The following MAST3 variants were observed in gnomAD, a reference collection of about 807,000 sequenced individuals.
MAST3 encodes microtubule associated serine/threonine kinase 3.
Under a neutral mutation model 127.0 loss-of-function variants are expected in MAST3, and 43 were observed. The observed-to-expected ratio is 0.34, with a 90% CI of 0.27 to 0.44. The LOEUF (loss-of-function observed/expected upper bound fraction) is 0.44, where lower values mean the gene tolerates loss of function less well. MAST3 is among the 20% of genes least tolerant of loss of function. The pLI is 1.00. For synonymous variants in MAST3, 785 were observed against 809.2 expected, an observed-to-expected ratio of 0.97 and a Z score of 0.51; for missense variants, 1,390 against 1,919.1, an observed-to-expected ratio of 0.72 and a Z score of 5.15.
chr19:18,104,500 A>C lies in MAST3; in HGVS notation c.40-3087A>C, dbSNP rs923147923. On this transcript the variant is annotated intron_variant, in intron 1 of 27. Transcript: ENST00000687212. ...GAGACCTTGCCCTCCCAGCTGGGTC[A>C]TCCGGCAGCCCAGCAGCTTCCGGCC... 2.0e-5 allele frequency among the ~76,000 whole-genome samples: 3 copies of C among 152,070 alleles called. No individual in the cohort carries two copies. In the East Asian group the frequency reaches 5.8e-4, roughly 29 times the overall value.
chr19:18,126,487 G>A (rs2040635235), intron 11 of MAST3, among the ~76,000 whole-genome samples: 1 of 152,184 alleles, frequency 6.6e-6, no homozygotes, highest in Non-Finnish European at 1.5e-5. Flanking sequence ...TGAAAGCTGG[G>A]GAGGCCCGGC....
At chr19:18,132,735 G>C (rs1269554066) in intron 15 of MAST3, among the ~76,000 whole-genome samples, 1 of 152,198 alleles carries the variant, frequency 6.6e-6, no homozygotes, top group African/African-American at 2.4e-5. Context: ...TGTTTGTCAG[G>C]TGTCCTCGAG....
intron 20 of MAST3, among the ~76,000 whole-genome samples, 172 bp from the exon 21 acceptor site, chr19:18,141,710 T>G (rs1331170498): frequency 1.3e-5 from 2 of 152,014 alleles, no homozygotes; most frequent in Non-Finnish European, 2.9e-5. Context: ...ACTGGTTTTT[T>G]TGTTTGGGTT....
chr19:18,146,773 G>A, intron 25 of MAST3, 108 bp from the exon 26 acceptor site: 1 of 1,049,232 alleles, frequency 9.5e-7, no homozygotes. Flanking sequence ...GGATGCTGGG[G>A]TGGTGGGTCC....
At chr19:18,126,904 C>T (rs1465182234) in intron 11 of MAST3, among the ~76,000 whole-genome samples, 1 of 151,900 alleles carries the variant, frequency 6.6e-6, no homozygotes, top group African/African-American at 2.4e-5. Context: ...CCTCAGCCTC[C>T]CGAGTAGCTG....
intron 1 of MAST3, among the ~76,000 whole-genome samples, chr19:18,099,450 G>A (rs2037362377): frequency 1.3e-5 from 2 of 151,996 alleles, no homozygotes; most frequent in South Asian, 2.1e-4. Flanking sequence ...AACCGCCTCC[G>A]GGTAGGCGAA....
At chr19:18,116,091 T>TTTTC (rs1491333294) in intron 3 of MAST3, among the ~76,000 whole-genome samples, 1 of 3,622 alleles carries the variant, frequency 2.8e-4, no homozygotes, top group Admixed American at 3.9e-3. Context: ...TGAAATTATC[T>TTTTC]TTTTTTTTTT....
chr19:18,116,144 A>C (rs1319234411), intron 3 of MAST3, among the ~76,000 whole-genome samples: 1 of 116,094 alleles, frequency 8.6e-6, no homozygotes, highest in African/African-American at 3.5e-5. Flanking sequence ...CCCAGGCTGG[A>C]GTGCATTGGT....
chr19:18,144,643 G>T lies in MAST3; in HGVS notation c.2762G>T (p.Arg921Leu). Residue 921 changes from arginine (R) to leucine (L), a missense_variant, in exon 23 of 28, where the codon CGC becomes CTC. Transcript: ENST00000687212. This position sits in a 1 kb window ranked among gnomAD's most constrained non-coding sequence, Gnocchi z 4.0. Reference sequence around the variant, plus strand: ...GGCAGTGGTGGCGGCAGTGGGGGCCGCGTGCCCAAGTCAGCCTCTGTCTCT... The same window carrying T: ...GGCAGTGGTGGCGGCAGTGGGGGCCTCGTGCCCAAGTCAGCCTCTGTCTCT... Reference protein sequence around the residue: ...SGGSGGGSGGRVPKSASVSAL... With the variant: ...SGGSGGGSGGLVPKSASVSAL... 2 of 1,610,916 alleles carry T rather than the reference G, an allele frequency of 1.2e-6. No homozygotes were observed. The highest frequency in any genetic ancestry group is 1.7e-6 in the Non-Finnish European group (2 of 1,179,824).
At position 18,110,119 on chromosome 19, in the gene MAST3, G is replaced by C. The variant is rs915285051; in HGVS notation, c.72-533G>C. 1 of 985,250 alleles carries C rather than the reference G, an allele frequency of 1.0e-6. No individual in the cohort carries two copies. Among genetic ancestry groups the C allele is most frequent in the East Asian group, 1.1e-4 (1 of 8,818 alleles). The allele number at this position is 985,250 out of a possible 1,614,324, so 61.0% of individuals were successfully genotyped here. ...CGGGCCGGGCCTGCGCGCAGGTGCG[G>C]AGCTGCGATCCCCGCCCCGAGGCGG... On this transcript the variant is annotated intron_variant, in intron 2 of 27. Transcript: ENST00000687212. The surrounding 1 kb of genome is among the most constrained non-coding windows in gnomAD (Gnocchi z 4.3).
Position 18,141,923 on chromosome 19 carries a change from T to C in MAST3, c.2247T>C (p.Pro749=). 1 of 1,548,524 alleles carries C rather than the reference T, an allele frequency of 6.5e-7. No homozygotes were observed. Among genetic ancestry groups the C allele is most frequent in the Non-Finnish European group, 8.7e-7 (1 of 1,145,600 alleles). ...AGTTCCTGGCCGTCCAGCCCACTCC[T>C]ACCTTCGCTGAAAGGAGCTTCAGTG... ...SSEFLAVQPT[P]TFAERSFSED... The change falls in exon 21 of 28, where the codon CCT becomes CCC. Residue 749 remains proline, a synonymous_variant. Transcript: ENST00000687212.
intron 1 of MAST3, among the ~76,000 whole-genome samples, chr19:18,103,546 C>T (rs1041687871): frequency 1.3e-5 from 2 of 152,038 alleles, no homozygotes; most frequent in Admixed American, 1.3e-4. Context: ...TGAAAACAAA[C>T]AAACAAACAA....
At chr19:18,120,882 C>T (rs1354213838) in intron 3 of MAST3, among the ~76,000 whole-genome samples, 3 of 152,106 alleles carry the variant, frequency 2.0e-5, no homozygotes, top group South Asian at 4.1e-4. Context: ...TCACCACGCC[C>T]AGCTAATTTT....
At position 18,149,354 on chromosome 19, in the gene MAST3, C is replaced by A. The variant is rs2043353363; in HGVS notation, c.3672C>A (p.Pro1224=). ...GRRKSTSSIP[P]SPLACPPISA... ...GCAAGTCCACCAGCAGCATCCCGCC[C>A]TCCCCGCTGGCCTGCCCGCCCATCT... Residue 1224 remains proline (P), a synonymous_variant, in exon 28 of 28, where the codon CCC becomes CCA. Coordinates refer to ENST00000687212, the MANE Select transcript of MAST3 (RefSeq NM_001393504.1). This position sits in a 1 kb window ranked among gnomAD's most constrained non-coding sequence, Gnocchi z 5.9. 6.6e-7 allele frequency: 1 copy of A among 1,513,606 alleles called. No individual in the cohort carries two copies. The highest frequency in any genetic ancestry group is 8.8e-7 in the Non-Finnish European group (1 of 1,133,752). 93.8% of individuals were successfully genotyped at this position (1,513,606 alleles called of 1,614,324 possible). A position where few individuals can be genotyped will look rare whatever the true frequency, so the allele number is the denominator to read the frequency against.
At chr19:18,098,151 A>C (rs2037161069) in intron 1 of MAST3, among the ~76,000 whole-genome samples, 1 of 152,134 alleles carries the variant, frequency 6.6e-6, no homozygotes, top group Non-Finnish European at 1.5e-5. Context: ...AGAGCTCACC[A>C]TATGTTCATG....
At position 18,149,111 on chromosome 19, in the gene MAST3, GT is replaced by G; in HGVS notation, c.3509-75del. ...ACATGGAAGGATGTGGGCTTTAGCA[GT>G]TTTTGTCAGTCCCACAGCTCCACTT... On this transcript the variant is annotated intron_variant, in intron 27 of 27. Transcript: ENST00000687212. The surrounding 1 kb of genome is among the most constrained non-coding windows in gnomAD (Gnocchi z 5.9). 1 of 1,379,210 alleles carries G rather than the reference GT, an allele frequency of 7.3e-7. No individual in the cohort carries two copies. Among genetic ancestry groups the G allele is most frequent in the Non-Finnish European group, 9.4e-7 (1 of 1,060,604 alleles). The allele number at this position is 1,379,210 out of a possible 1,614,324, so 85.4% of individuals were successfully genotyped here.
In MAST3 at chr19:18,121,739, C is replaced by G; in HGVS notation, c.216C>G (p.Leu72=). ...SLVVGTPSPT[L]SRPLSPLSVP... ...TGGTAGGAACGCCCTCCCCGACCCT[C>G]TCCCGGCCCCTGTCGCCATTGTCGG... The change falls in exon 4 of 28, where the codon CTC becomes CTG. Residue 72 remains leucine (L), a synonymous_variant. Coordinates refer to ENST00000687212, the MANE Select transcript of MAST3 (RefSeq NM_001393504.1). 2 of 1,614,040 alleles carry G rather than the reference C, an allele frequency of 1.2e-6. No homozygotes were observed. The highest frequency in any genetic ancestry group is 1.7e-6 in the Non-Finnish European group (2 of 1,179,906).
chr19:18,130,504 C>T lies in MAST3; in HGVS notation c.1234C>T (p.Leu412=), dbSNP rs1200825917. 6.2e-7 allele frequency: 1 copy of T among 1,601,844 alleles called. No homozygotes were observed. Among genetic ancestry groups the T allele is most frequent in the African/African-American group, 1.3e-5 (1 of 74,804 alleles). The change falls in exon 14 of 28, where the codon CTG becomes TTG. Residue 412 remains leucine, a synonymous_variant. Coordinates refer to ENST00000687212, the MANE Select transcript of MAST3 (RefSeq NM_001393504.1). The part of the protein sequence containing the change: ...ISNGAYGAVY[L]VRHRDTRQRF... ...GCCCTCTGTCCCCAGGGCCGTCTAC[C>T]TGGTGCGGCACCGTGACACACGGCA...
chr19:18,146,411 C>T (rs2043015370), intron 25 of MAST3, among the ~76,000 whole-genome samples: 1 of 152,162 alleles, frequency 6.6e-6, no homozygotes, highest in Admixed American at 6.5e-5. Flanking sequence ...TGCCATACTG[C>T]ACTCCAGCCT....
Sources: allele counts gnomAD v4.1 joint callset (sites outside exome capture counted in the v4.1 genomes callset), GRCh38; gene constraint gnomAD v4.1.1; non-coding constraint Gnocchi (gnomAD v3.1); transcripts MANE v1.5; gene names NCBI Gene and HGNC (gene_info 2026-07-23, HGNC 2026-07-21).